OR6B1: variants seen among roughly 807,000 people sequenced by gnomAD.
OR6B1 encodes the protein olfactory receptor 6B1.
A neutral mutation model predicts 15.4 loss-of-function variants in OR6B1; 15 were observed. That is an observed-to-expected ratio of 0.97 (90% CI 0.65 to 1.50). OR6B1 has a LOEUF of 1.50. OR6B1 is among the 40% of genes most tolerant of loss of function. OR6B1 has a pLI of 0.00. For missense variants in OR6B1, 384 were observed against 385.0 expected, an observed-to-expected ratio of 1.00 and a Z score of 0.02; for synonymous variants, 139 against 144.9, an observed-to-expected ratio of 0.96 and a Z score of 0.29.
In OR6B1 at chr7:144,004,261, A is replaced by C; in HGVS notation, c.265A>C (p.Asn89His). 1.2e-6 allele frequency: 2 copies of C among 1,614,202 alleles called. No homozygotes were observed. Among genetic ancestry groups the C allele is most frequent in the Non-Finnish European group, 1.7e-6 (2 of 1,180,030 alleles). The change falls in exon 2 of 2, where the codon AAC becomes CAC. Residue 89 changes from asparagine (N) to histidine (H), a missense_variant. Physicochemically the swap from Asn to His is moderately conservative, Grantham distance 68. Coordinates refer to ENST00000641698, the MANE Select transcript of OR6B1 (RefSeq NM_001005281.3). The part of the protein sequence containing the change: ...PKLLFSFWSV[N>H]NSISFTLCMI... ...GTTACTGTTTAGTTTTTGGTCTGTG[A>C]ACAACAGCATCTCTTTCACACTCTG...
intron 1 of OR6B1, 82 bp from the exon 2 acceptor site, chr7:144,003,890 A>G (rs2050600756): frequency 1.4e-6 from 1 of 719,718 alleles, no homozygotes; most frequent in Non-Finnish European, 2.3e-6. Context: ...TTAATAAATG[A>G]TAACTATTAC....
Position 144,000,650 on chromosome 7 carries a change from G to C in OR6B1, c.-26G>C, listed in dbSNP as rs991243576. On this transcript the variant is annotated splice_region_variant and 5_prime_UTR_variant, in exon 1 of 2. Transcript: ENST00000641698. ...ATCCTATCAGAGGCTGCTGTGCCAA[G>C]GTAAGTGCTCCCTCTCAGAGCATTA... 1 of 152,608 alleles carries C rather than the reference G, an allele frequency of 6.6e-6. No individual in the cohort carries two copies. Among genetic ancestry groups the C allele is most frequent in the African/African-American group, 2.4e-5 (1 of 41,420 alleles). 9.5% of individuals were successfully genotyped at this position (152,608 alleles called of 1,614,324 possible).
rs536583153 is a variant in OR6B1, at chr7:144,007,813, A to G, written c.*2881A>G. The G allele has an allele frequency of 4.6e-5, 7 of 152,278 alleles. No individual in the cohort carries two copies. The highest frequency in any genetic ancestry group is 2.1e-4 in the South Asian group (1 of 4,830). The allele number at this position is 152,278 out of a possible 1,614,324, so 9.4% of individuals were successfully genotyped here. On this transcript the variant is annotated 3_prime_UTR_variant, in exon 2 of 2. Transcript: ENST00000641698. ...GTGATTGGGAACTTATTTGAAAAAA[A>G]AAGAGTCTTTGAAATATAATAAAGT...
rs971349173 is a variant in OR6B1 at position 144,008,460 on chromosome 7, G to A, written c.*3528G>A. The stretch of plus-strand genomic sequence containing the variant: ...AGAGACTGAGCAGCCAGAGCAGTGA[G>A]AAAAGGGTAAGCAGGTGATATGGTC... On this transcript the variant is annotated 3_prime_UTR_variant, in exon 2 of 2. Coordinates refer to ENST00000641698, the MANE Select transcript of OR6B1 (RefSeq NM_001005281.3). 2.6e-5 allele frequency: 4 copies of A among 152,258 alleles called. No homozygotes were observed. The highest frequency in any genetic ancestry group is 4.4e-5 in the Non-Finnish European group (3 of 68,104). The allele number at this position is 152,258 out of a possible 1,614,324, so 9.4% of individuals were successfully genotyped here.
In OR6B1 at chr7:144,008,639, G is replaced by C. The variant is rs1371945153; in HGVS notation, c.*3707G>C. The C allele has an allele frequency of 6.6e-6, 1 of 152,192 alleles. No individual in the cohort carries two copies. Among genetic ancestry groups the C allele is most frequent in the Admixed American group, 6.6e-5 (1 of 15,260 alleles). The allele number at this position is 152,192 out of a possible 1,614,324, so 9.4% of individuals were successfully genotyped here. ...CTCACAAGATCCGATGGTTTTAAAA[G>C]TGTTTGGCAGTTCCCCTCCCACTTT... On this transcript the variant is annotated 3_prime_UTR_variant, in exon 2 of 2. Coordinates refer to ENST00000641698, the MANE Select transcript of OR6B1 (RefSeq NM_001005281.3).
rs1303304304 is a variant in OR6B1 at position 144,004,769 on chromosome 7, C to T, written c.773C>T (p.Ala258Val). 2.5e-6 allele frequency: 4 copies of T among 1,614,066 alleles called. No homozygotes were observed. The South Asian group carries it at 3.3e-5, about 13-fold the overall frequency. ...IFYSAIIFMY[A>V]RPRVIHAFNM... ...TATTCAGCCATTATTTTCATGTATG[C>T]TCGACCTCGAGTTATCCATGCCTTC... Residue 258 changes from alanine to valine, a missense_variant, in exon 2 of 2, where the codon GCT (alanine) becomes GTT (valine). By Grantham distance (64) the Ala-to-Val change is moderately conservative. Transcript: ENST00000641698.
rs1393854751 is a variant in OR6B1, at chr7:144,005,166, G to T, written c.*234G>T. ...TTCTCAATGGTTGTGACCCCAAATG[G>T]GGTTTCTAAGACTGTGAGTAAATTT... is the stretch of plus-strand genomic sequence containing the variant. On this transcript the variant is annotated 3_prime_UTR_variant, in exon 2 of 2. Transcript: ENST00000641698. 1 of 455,340 alleles carries T rather than the reference G, an allele frequency of 2.2e-6. No individual in the cohort carries two copies. Among genetic ancestry groups the T allele is most frequent in the Non-Finnish European group, 3.9e-6 (1 of 256,726 alleles). 28.2% of individuals were successfully genotyped at this position (455,340 alleles called of 1,614,324 possible).
Position 144,004,920 on chromosome 7 carries a change from C to A in OR6B1, c.924C>A (p.Ser308Arg). Residue 308 changes from serine to arginine, a missense_variant, in exon 2 of 2, where the codon AGC becomes AGA. Coordinates refer to ENST00000641698, the MANE Select transcript of OR6B1 (RefSeq NM_001005281.3). ...ALKKLAYCQASRSD is the reference protein window; with the variant it reads ...ALKKLAYCQARRSD ...AGAAACTGGCATATTGCCAGGCCAGCAGATCTGACTAGTCAATTACAGCTG... is the reference window on the plus strand; with the variant it reads ...AGAAACTGGCATATTGCCAGGCCAGAAGATCTGACTAGTCAATTACAGCTG... The A allele has an allele frequency of 1.3e-6, 2 of 1,599,400 alleles. No homozygotes were observed. The highest frequency in any genetic ancestry group is 1.7e-6 in the Non-Finnish European group (2 of 1,176,980).
At chr7:144,003,802 C>T (rs989949290) in intron 1 of OR6B1, 170 bp from the exon 2 acceptor site, 2 of 594,490 alleles carry the variant, frequency 3.4e-6, no homozygotes, top group Non-Finnish European at 5.9e-6. Flanking sequence ...CACACACACA[C>T]ACACACACGG....
At chr7:144,001,365 G>C (rs980940952) in intron 1 of OR6B1, among the ~76,000 whole-genome samples, 42 of 152,220 alleles carry the variant, frequency 2.8e-4, no homozygotes, top group African/African-American at 9.2e-4. Flanking sequence ...TCCTCTAGAA[G>C]TGAAAACTTA....
Position 144,008,068 on chromosome 7 carries a change from C to T in OR6B1, c.*3136C>T, listed in dbSNP as rs1168383580. On this transcript the variant is annotated 3_prime_UTR_variant, in exon 2 of 2. Coordinates refer to ENST00000641698, the MANE Select transcript of OR6B1 (RefSeq NM_001005281.3). Reference sequence around the variant, plus strand: ...TGTCAAAGGAAGAGAGCCCTGATGACAGCTTGATTTTGGACTCCTGGCCTC... The same window carrying T: ...TGTCAAAGGAAGAGAGCCCTGATGATAGCTTGATTTTGGACTCCTGGCCTC... 6.6e-6 allele frequency: 1 copy of T among 152,184 alleles called. No individual in the cohort carries two copies. Among genetic ancestry groups the T allele is most frequent in the Non-Finnish European group, 1.5e-5 (1 of 68,042 alleles). The allele number at this position is 152,184 out of a possible 1,614,324, so 9.4% of individuals were successfully genotyped here. A position where few individuals can be genotyped will look rare whatever the true frequency, so the allele number is the denominator to read the frequency against.
Position 144,004,725 on chromosome 7 carries a change from T to A in OR6B1, c.729T>A (p.Leu243=), listed in dbSNP as rs1225980681. ...CGTTCTCCACTTGTGCCTCCCATCT[T>A]GTGGTGGTCACCATTTTCTATTCAG... ...QKAFSTCASH[L]VVVTIFYSAI... Residue 243 remains leucine, a synonymous_variant, in exon 2 of 2, where the codon CTT becomes CTA. Transcript: ENST00000641698. 1 of 1,614,252 alleles carries A rather than the reference T, an allele frequency of 6.2e-7. No homozygotes were observed. The highest frequency in any genetic ancestry group is 8.5e-7 in the Non-Finnish European group (1 of 1,180,030).
Position 144,008,495 on chromosome 7 carries a change from T to C in OR6B1, c.*3563T>C, listed in dbSNP as rs2050640094. ...AGCAGGTGATATGGTCTGGCTCTGT[T>C]TCCCTACCCAAATCTCATCTTGATT... is the stretch of plus-strand genomic sequence containing the variant. On this transcript the variant is annotated 3_prime_UTR_variant, in exon 2 of 2. Transcript: ENST00000641698. The C allele has an allele frequency of 6.6e-6, 1 of 152,170 alleles. No homozygotes were observed. Among genetic ancestry groups the C allele is most frequent in the African/African-American group, 2.4e-5 (1 of 41,426 alleles). The allele number at this position is 152,170 out of a possible 1,614,324, so 9.4% of individuals were successfully genotyped here.
chr7:144,004,242 G>A lies in OR6B1; in HGVS notation c.246G>A (p.Leu82=). ...WYISVTVPKL[L]FSFWSVNNSI... is the part of the protein sequence containing the mutation. ...TCTCTGTGACTGTGCCCAAGTTACT[G>A]TTTAGTTTTTGGTCTGTGAACAACA... The change falls in exon 2 of 2, where the codon CTG becomes CTA. Residue 82 remains leucine, a synonymous_variant. Coordinates refer to ENST00000641698, the MANE Select transcript of OR6B1 (RefSeq NM_001005281.3). 1 of 1,614,170 alleles carries A rather than the reference G, an allele frequency of 6.2e-7. No homozygotes were observed.
At position 144,008,030 on chromosome 7, in the gene OR6B1, C is replaced by T. The variant is rs1297607101; in HGVS notation, c.*3098C>T. ...GCTGGAAGATATAAGTAATGATTCTCCCCCCCTAGAGCTGTCAAAGGAAGA... is the reference window on the plus strand; with the variant it reads ...GCTGGAAGATATAAGTAATGATTCTTCCCCCCTAGAGCTGTCAAAGGAAGA... On this transcript the variant is annotated 3_prime_UTR_variant, in exon 2 of 2. Coordinates refer to ENST00000641698, the MANE Select transcript of OR6B1 (RefSeq NM_001005281.3). 1 of 152,032 alleles carries T rather than the reference C, an allele frequency of 6.6e-6. No individual in the cohort carries two copies. 9.4% of individuals were successfully genotyped at this position (152,032 alleles called of 1,614,324 possible).
At position 144,004,252 on chromosome 7, in the gene OR6B1, TG is replaced by T; in HGVS notation, c.258del (p.Trp86CysfsTer3). On this transcript the variant is annotated frameshift_variant, in exon 2 of 2. Transcript: ENST00000641698. LOFTEE classifies it high-confidence loss of function. ...VTVPKLLFSF[W>X]SVNNSISFTL... Reference sequence around the variant, plus strand: ...TGTGCCCAAGTTACTGTTTAGTTTTTGGTCTGTGAACAACAGCATCTCTTTC... The same window carrying T: ...TGTGCCCAAGTTACTGTTTAGTTTTTGTCTGTGAACAACAGCATCTCTTTC... 1 of 1,614,232 alleles carries T rather than the reference TG, an allele frequency of 6.2e-7. No individual in the cohort carries two copies. The highest frequency in any genetic ancestry group is 8.5e-7 in the Non-Finnish European group (1 of 1,180,038).
In OR6B1 at chr7:144,004,762, A is replaced by G; in HGVS notation, c.766A>G (p.Met256Val). 4 of 1,614,152 alleles carry G rather than the reference A, an allele frequency of 2.5e-6. No individual in the cohort carries two copies. The highest frequency in any genetic ancestry group is 3.4e-6 in the Non-Finnish European group (4 of 1,180,026). ...VTIFYSAIIF[M>V]YARPRVIHAF... is the part of the protein sequence containing the mutation. ...CATTTTCTATTCAGCCATTATTTTC[A>G]TGTATGCTCGACCTCGAGTTATCCA... Residue 256 changes from methionine to valine, a missense_variant, in exon 2 of 2, where the codon ATG (methionine) becomes GTG (valine). By Grantham distance (21) the Met-to-Val change is conservative (BLOSUM62 1). Coordinates refer to ENST00000641698, the MANE Select transcript of OR6B1 (RefSeq NM_001005281.3).
At chr7:144,002,645 A>G (rs1008633080) in intron 1 of OR6B1, among the ~76,000 whole-genome samples, 2 of 152,228 alleles carry the variant, frequency 1.3e-5, no homozygotes, top group Non-Finnish European at 2.9e-5. Context: ...TCTTGCCTCC[A>G]AGGAGTCCGT....
In OR6B1 at chr7:144,006,444, A is replaced by G. The variant is rs2050625297; in HGVS notation, c.*1512A>G. ...CCAGAGGAAAAAAGAAACAAAAATA[A>G]AATGCAAGCACAACTTGCTTTAGGG... On this transcript the variant is annotated 3_prime_UTR_variant, in exon 2 of 2. Transcript: ENST00000641698. 6.6e-6 allele frequency: 1 copy of G among 152,228 alleles called. No homozygotes were observed. Among genetic ancestry groups the G allele is most frequent in the Non-Finnish European group, 1.5e-5 (1 of 68,032 alleles). 9.4% of individuals were successfully genotyped at this position (152,228 alleles called of 1,614,324 possible). A position where few individuals can be genotyped will look rare whatever the true frequency, so the allele number is the denominator to read the frequency against.
Sources: gnomAD v4.1 joint callset for allele counts (sites outside exome capture counted in the v4.1 genomes callset) on GRCh38, gnomAD v4.1.1 for gene constraint, MANE v1.5 for transcripts, NCBI Gene and HGNC (gene_info 2026-07-23, HGNC 2026-07-21) for gene names.